Variants in ZSWIM9 observed in about 807,000 individuals in gnomAD.
ZSWIM9 encodes the protein zinc finger SWIM-type containing 9, also known as uncharacterized protein ZSWIM9.
In ZSWIM9, 11 loss-of-function variants were observed where a neutral mutation model predicts 25.0. The observed-to-expected ratio is 0.44, with a 90% CI of 0.28 to 0.73. The LOEUF (loss-of-function observed/expected upper bound fraction) is 0.73, where lower values mean the gene tolerates loss of function less well. Among genes scored for constraint, ZSWIM9 ranks in the 30% least tolerant of loss-of-function variants. The pLI is 0.16. For missense variants in ZSWIM9, 1,070 were observed against 1,296.5 expected, an observed-to-expected ratio of 0.83 and a Z score of 2.68; for synonymous variants, 562 against 582.1, an observed-to-expected ratio of 0.97 and a Z score of 0.50.
chr19:48,175,132 T>C (rs1278983931), intron 2 of ZSWIM9, among the ~76,000 whole-genome samples: 2 of 152,130 alleles, frequency 1.3e-5, no homozygotes, highest in Non-Finnish European at 2.9e-5. Context: ...TGTTTATGTA[T>C]GTATAGTATG....
rs187397614 is a variant in ZSWIM9 at position 48,179,598 on chromosome 19, A to G, written c.276-2857A>G. ...TGCTCACACACATAAAGAGATGTAT[A>G]AGAGAGTGTTGTATCACACGTTGGG... On this transcript the variant is annotated intron_variant, in intron 2 of 3. Coordinates refer to ENST00000614654, the MANE Select transcript of ZSWIM9 (RefSeq NM_199341.4). Among the ~76,000 whole-genome samples, 13 of 152,362 alleles carry G rather than the reference A, an allele frequency of 8.5e-5. No homozygotes were observed. The East Asian group carries it at 2.5e-3, about 29-fold the overall frequency.
Position 48,197,545 on chromosome 19 carries a change from G to A in ZSWIM9, c.*718G>A, listed in dbSNP as rs976667328. The A allele has an allele frequency of 2.0e-6, 1 of 495,182 alleles. No individual in the cohort carries two copies. Among genetic ancestry groups the A allele is most frequent in the Admixed American group, 3.4e-5 (1 of 29,660 alleles). 30.7% of individuals were successfully genotyped at this position (495,182 alleles called of 1,614,324 possible). On this transcript the variant is annotated 3_prime_UTR_variant, in exon 4 of 4. Transcript: ENST00000614654. The stretch of plus-strand genomic sequence containing the variant: ...GAGGGAGGGCGGGCACTGGGGGTCA[G>A]GAGAGTCTCCAGCAGGGGAGGGGAA...
At position 48,194,343 on chromosome 19, in the gene ZSWIM9, C is replaced by A. The variant is rs2037131787; in HGVS notation, c.589-310C>A. On this transcript the variant is annotated intron_variant, in intron 3 of 3. Transcript: ENST00000614654. This position sits in a 1 kb window ranked among gnomAD's most constrained non-coding sequence, Gnocchi z 6.0. ...CTGCCCTAGACTGCCTCTCAGCACA[C>A]GGAGGAATGAATAGCCAGCTTCCGG... Among the ~76,000 whole-genome samples the A allele has an allele frequency of 6.6e-6, 1 of 152,080 alleles. No homozygotes were observed. Among genetic ancestry groups the A allele is most frequent in the South Asian group, 2.1e-4 (1 of 4,820 alleles).
chr19:48,195,482 A>C lies in ZSWIM9; in HGVS notation c.1418A>C (p.Glu473Ala). ...QGENERVRGL[E>A]TGDWGGAPKE... ...GAGAACGAGAGGGTGAGGGGCCTGGAGACAGGCGACTGGGGAGGGGCTCCG... is the reference window on the plus strand; with the variant it reads ...GAGAACGAGAGGGTGAGGGGCCTGGCGACAGGCGACTGGGGAGGGGCTCCG... Residue 473 changes from glutamate to alanine, a missense_variant, in exon 4 of 4, where the codon GAG (glutamate) becomes GCG (alanine). Physicochemically the swap from Glu to Ala is moderately radical, Grantham distance 107. Coordinates refer to ENST00000614654, the MANE Select transcript of ZSWIM9 (RefSeq NM_199341.4). The surrounding 1 kb of genome is among the most constrained non-coding windows in gnomAD (Gnocchi z 5.8). 1 of 1,417,942 alleles carries C rather than the reference A, an allele frequency of 7.1e-7. No individual in the cohort carries two copies. The highest frequency in any genetic ancestry group is 9.1e-7 in the Non-Finnish European group (1 of 1,093,258). The allele number at this position is 1,417,942 out of a possible 1,614,324, so 87.8% of individuals were successfully genotyped here. A position where few individuals can be genotyped will look rare whatever the true frequency, so the allele number is the denominator to read the frequency against.
chr19:48,183,418 C>T (rs537498234), intron 3 of ZSWIM9, among the ~76,000 whole-genome samples: 8 of 152,100 alleles, frequency 5.3e-5, no homozygotes, highest in Non-Finnish European at 7.3e-5. Flanking sequence ...AGAGCCACCA[C>T]GCCCGGCCTG....
chr19:48,176,537 C>T (rs1275433816), intron 2 of ZSWIM9, among the ~76,000 whole-genome samples: 1 of 152,080 alleles, frequency 6.6e-6, no homozygotes, highest in Non-Finnish European at 1.5e-5. Flanking sequence ...TACCACCCTC[C>T]CGCCTTTCTT....
At position 48,183,503 on chromosome 19, in the gene ZSWIM9, C is replaced by T. The variant is rs530565144; in HGVS notation, c.588+736C>T. 1.0e-3 allele frequency among the ~76,000 whole-genome samples: 152 copies of T among 152,124 alleles called. 1 individual carries two copies. The highest frequency in any genetic ancestry group is 3.6e-3 in the African/African-American group (150 of 41,506). On this transcript the variant is annotated intron_variant, in intron 3 of 3. Transcript: ENST00000614654. ...TGCCTTGCAGAGGTAACTGCCAGAA[C>T]GCCCCTGCAGTTCTGGCGGGAAAAA... is the stretch of plus-strand genomic sequence containing the variant.
intron 2 of ZSWIM9, among the ~76,000 whole-genome samples, chr19:48,177,414 G>A (rs920983290): frequency 1.3e-5 from 2 of 152,162 alleles, no homozygotes; most frequent in Non-Finnish European, 2.9e-5. Context: ...ACCTCCAGAC[G>A]CCAGGTACTA....
chr19:48,176,346 TA>T (rs1418547547), intron 2 of ZSWIM9, among the ~76,000 whole-genome samples: 5 of 152,200 alleles, frequency 3.3e-5, no homozygotes, highest in Non-Finnish European at 4.4e-5. Context: ...TTACATAATT[TA>T]ATCCTCTTAT....
intron 3 of ZSWIM9, among the ~76,000 whole-genome samples, chr19:48,191,350 G>A (rs561951895): frequency 2.0e-4 from 30 of 152,022 alleles, no homozygotes; most frequent in East Asian, 9.7e-4. Context: ...GATTACAGGC[G>A]CGCACCACCA....
Position 48,196,324 on chromosome 19 carries a change from G to A in ZSWIM9, c.2260G>A (p.Ala754Thr). 1 of 1,233,398 alleles carries A rather than the reference G, an allele frequency of 8.1e-7. No homozygotes were observed. The highest frequency in any genetic ancestry group is 3.2e-5 in the East Asian group (1 of 31,718). 76.4% of individuals were successfully genotyped at this position (1,233,398 alleles called of 1,614,324 possible). ...CGGACGAGGGATGGAGTGGGGAGAC[G>A]CAGGAGGGCGGTGTCTAGGGCTGGG... ...RAGRGMEWGDAGGRCLGLGNG... is the reference protein window; with the variant it reads ...RAGRGMEWGDTGGRCLGLGNG... Residue 754 changes from alanine (A) to threonine (T), a missense_variant, in exon 4 of 4, where the codon GCA becomes ACA. Ala to Thr is a moderately conservative substitution (Grantham distance 58). Transcript: ENST00000614654.
In ZSWIM9 at chr19:48,182,671, G is replaced by A. The variant is rs1395630215; in HGVS notation, c.492G>A (p.Val164=). The change falls in exon 3 of 4, where the codon GTG becomes GTA. Residue 164 remains valine, a synonymous_variant. Transcript: ENST00000614654. This position sits in a 1 kb window ranked among gnomAD's most constrained non-coding sequence, Gnocchi z 4.6. ...ISKQFVAPAD[V]RRLLSYCKGR... ...AGCAGTTCGTGGCCCCAGCCGACGT[G>A]CGCCGCCTGCTGTCCTACTGCAAGG... The A allele has an allele frequency of 2.6e-6, 4 of 1,535,790 alleles. No individual in the cohort carries two copies. The South Asian group carries it at 3.6e-5, about 14-fold the overall frequency.
In ZSWIM9 at chr19:48,195,878, G is replaced by A; in HGVS notation, c.1814G>A (p.Ser605Asn). ...GTGGCCCAGCTGGAAGATCGCAGGAGTACCACCGACCTGAGGGGGACCCAG... is the reference window on the plus strand; with the variant it reads ...GTGGCCCAGCTGGAAGATCGCAGGAATACCACCGACCTGAGGGGGACCCAG... Reference protein sequence around the residue: ...WRVAQLEDRRSTTDLRGTQFD... With the variant: ...WRVAQLEDRRNTTDLRGTQFD... The change falls in exon 4 of 4, where the codon AGT becomes AAT. Residue 605 changes from serine to asparagine, a missense_variant. Coordinates refer to ENST00000614654, the MANE Select transcript of ZSWIM9 (RefSeq NM_199341.4). The surrounding 1 kb of genome is among the most constrained non-coding windows in gnomAD (Gnocchi z 5.8). The A allele has an allele frequency of 7.1e-7, 1 of 1,414,656 alleles. No homozygotes were observed. The highest frequency in any genetic ancestry group is 9.2e-7 in the Non-Finnish European group (1 of 1,089,420). 87.6% of individuals were successfully genotyped at this position (1,414,656 alleles called of 1,614,324 possible).
At chr19:48,180,514 C>T (rs1057404270) in intron 2 of ZSWIM9, among the ~76,000 whole-genome samples, 8 of 151,952 alleles carry the variant, frequency 5.3e-5, no homozygotes, top group Admixed American at 3.9e-4. Flanking sequence ...GACTTTGATC[C>T]TCTTACTTCC....
intron 3 of ZSWIM9, among the ~76,000 whole-genome samples, chr19:48,184,581 A>G (rs1004396353): frequency 6.6e-6 from 1 of 152,148 alleles, no homozygotes; most frequent in Non-Finnish European, 1.5e-5. Flanking sequence ...CCCTGATTCA[A>G]GCCACCAGCC....
intron 2 of ZSWIM9, among the ~76,000 whole-genome samples, chr19:48,172,746 C>G (rs146422665): frequency 6.6e-6 from 1 of 152,130 alleles, no homozygotes; most frequent in Non-Finnish European, 1.5e-5. Context: ...AAACTCATGA[C>G]CTCAGGTGAT....
chr19:48,187,985 T>TAGAC (rs529493905), intron 3 of ZSWIM9, among the ~76,000 whole-genome samples: 2,316 of 146,280 alleles, frequency 0.016, 29 homozygotes, highest in East Asian at 0.022. Flanking sequence ...GATAGATAGA[T>TAGAC]AGACAGACAG....
chr19:48,187,281 C>T (rs1322014554), intron 3 of ZSWIM9, among the ~76,000 whole-genome samples: 1 of 144,294 alleles, frequency 6.9e-6, no homozygotes, highest in Non-Finnish European at 1.5e-5. Context: ...CAATCCATCA[C>T]TTTTACACAG....
chr19:48,182,810 A>G lies in ZSWIM9; in HGVS notation c.588+43A>G. 1 of 1,430,382 alleles carries G rather than the reference A, an allele frequency of 7.0e-7. No individual in the cohort carries two copies. Among genetic ancestry groups the G allele is most frequent in the East Asian group, 2.5e-5 (1 of 40,056 alleles). 88.6% of individuals were successfully genotyped at this position (1,430,382 alleles called of 1,614,324 possible). On this transcript the variant is annotated intron_variant, in intron 3 of 3. Transcript: ENST00000614654. This position sits in a 1 kb window ranked among gnomAD's most constrained non-coding sequence, Gnocchi z 4.6. The stretch of plus-strand genomic sequence containing the variant: ...GCAGGCCGGGGGAGGGGGCGGGGGA[A>G]AGCCGCGCTGAAGACTCGTGGGTCA...
Sources: gnomAD v4.1 joint callset for allele counts (sites outside exome capture counted in the v4.1 genomes callset) on GRCh38, gnomAD v4.1.1 for gene constraint, Gnocchi (gnomAD v3.1) non-coding constraint, MANE v1.5 for transcripts, NCBI Gene and HGNC (gene_info 2026-07-23, HGNC 2026-07-21) for gene names.